Variants in MEF2A observed in about 807,000 individuals in gnomAD.
The protein encoded by MEF2A is myocyte enhancer factor 2A, also known as myocyte-specific enhancer factor 2A.
In MEF2A, 28 loss-of-function variants were observed where a neutral mutation model predicts 55.8. The ratio of observed to expected loss-of-function variants is 0.50; its 90% CI spans 0.37 to 0.69. The LOEUF (loss-of-function observed/expected upper bound fraction) is 0.69, where lower values mean the gene tolerates loss of function less well. MEF2A is among the 30% of genes least tolerant of loss of function. The pLI is 0.00. For missense variants in MEF2A, 528 were observed against 626.2 expected (o/e 0.84, Z 1.67); for synonymous variants, 239 against 227.1 (o/e 1.05, Z -0.47).
intron 4 of MEF2A, among the ~76,000 whole-genome samples, chr15:99,654,878 C>CT (rs1054289416): frequency 7.2e-5 from 11 of 152,072 alleles, no homozygotes; most frequent in African/African-American, 2.7e-4. Context: ...AGTTTTTAAT[C>CT]TTTTTAAATT....
intron 3 of MEF2A, among the ~76,000 whole-genome samples, chr15:99,635,543 G>A (rs1250646688): frequency 6.6e-6 from 1 of 152,148 alleles, no homozygotes; most frequent in African/African-American, 2.4e-5. Flanking sequence ...AGAAGACCGT[G>A]TAGCCAGCAT....
intron 4 of MEF2A, among the ~76,000 whole-genome samples, chr15:99,665,593 A>G (rs762737668): frequency 3.3e-5 from 5 of 152,134 alleles, no homozygotes; most frequent in Non-Finnish European, 7.4e-5. Context: ...GGATCTGATT[A>G]AACTAAAGAG....
At chr15:99,654,095 T>C (rs543634055) in intron 4 of MEF2A, among the ~76,000 whole-genome samples, 1 of 152,238 alleles carries the variant, frequency 6.6e-6, no homozygotes, top group Admixed American at 6.5e-5. Flanking sequence ...TCCACATTTA[T>C]GTAGTTGAAT....
rs561493565 is a variant in MEF2A at position 99,698,520 on chromosome 15, C to T, written c.859-4842C>T. 2.0e-5 allele frequency among the ~76,000 whole-genome samples: 3 copies of T among 152,172 alleles called. 1 individual carries two copies. The highest frequency in any genetic ancestry group is 3.9e-4 in the East Asian group (2 of 5,176). On this transcript the variant is annotated intron_variant, in intron 8 of 11. Coordinates refer to ENST00000557942, the MANE Select transcript of MEF2A (RefSeq NM_001319206.4). The stretch of plus-strand genomic sequence containing the variant: ...TTTAAGAAAACGCAACGGCTGGGCG[C>T]GGTGGCTCACACCTGTAATCCCAGC...
chr15:99,704,268 AAAG>A (rs1219463225), intron 9 of MEF2A, among the ~76,000 whole-genome samples: 1 of 152,164 alleles, frequency 6.6e-6, no homozygotes, highest in African/African-American at 2.4e-5. Context: ...TTTTCTTTTC[AAAG>A]AAGGTTATCT....
At chr15:99,617,257 G>A (rs1440048695) in intron 2 of MEF2A, among the ~76,000 whole-genome samples, 1 of 94,394 alleles carries the variant, frequency 1.1e-5, no homozygotes, top group African/African-American at 2.8e-5. Flanking sequence ...CCATATATGT[G>A]TTTGGTTTTT....
intron 1 of MEF2A, among the ~76,000 whole-genome samples, chr15:99,577,306 A>G (rs888781521): frequency 5.3e-5 from 8 of 152,222 alleles, no homozygotes; most frequent in East Asian, 3.8e-4. Flanking sequence ...TTTAATAACT[A>G]TTATTCTAGA....
chr15:99,690,148 A>G, intron 7 of MEF2A, 93 bp from the exon 8 acceptor site: 2 of 1,207,340 alleles, frequency 1.7e-6, no homozygotes, highest in Non-Finnish European at 2.3e-6. Context: ...TATAAAATTT[A>G]TTTGCAACTC....
intron 1 of MEF2A, among the ~76,000 whole-genome samples, chr15:99,592,237 T>G (rs1238935826): frequency 6.6e-6 from 1 of 152,122 alleles, no homozygotes. Flanking sequence ...ATTGCCCAGG[T>G]TTCTCTGGGT....
intron 7 of MEF2A, among the ~76,000 whole-genome samples, chr15:99,676,144 T>G (rs2051980555): frequency 6.6e-6 from 1 of 152,114 alleles, no homozygotes; most frequent in South Asian, 2.1e-4. Context: ...TACAAAATAT[T>G]TAATGACAAA....
At chr15:99,685,467 G>A (rs534631089) in intron 7 of MEF2A, among the ~76,000 whole-genome samples, 7 of 151,732 alleles carry the variant, frequency 4.6e-5, no homozygotes, top group South Asian at 2.1e-4. Context: ...TGCAAAAAGC[G>A]TTGAGTTCTT....
At chr15:99,645,000 G>T (rs1054620122) in intron 3 of MEF2A, among the ~76,000 whole-genome samples, 47 of 151,078 alleles carry the variant, frequency 3.1e-4, no homozygotes, top group African/African-American at 7.1e-4. Flanking sequence ...AAAATTTTTT[G>T]GGGGGGTCTC....
At chr15:99,616,910 T>C in intron 2 of MEF2A, among the ~76,000 whole-genome samples, 1 of 152,158 alleles carries the variant, frequency 6.6e-6, no homozygotes, top group East Asian at 1.9e-4. Flanking sequence ...GGATTTTGAT[T>C]GGTTGGCTGG....
At chr15:99,709,936 T>C (rs144729872) in intron 10 of MEF2A, among the ~76,000 whole-genome samples, 65 of 152,314 alleles carry the variant, frequency 4.3e-4, no homozygotes, top group Non-Finnish European at 6.8e-4. Flanking sequence ...TGGCACCCCA[T>C]GTAGGGATTC....
intron 2 of MEF2A, among the ~76,000 whole-genome samples, chr15:99,603,026 A>G (rs1973858742): frequency 6.6e-6 from 1 of 152,108 alleles, no homozygotes; most frequent in Admixed American, 6.5e-5. Flanking sequence ...TTACATTTGA[A>G]GAATCTGTAG....
At chr15:99,655,109 C>T (rs2047486320) in intron 4 of MEF2A, among the ~76,000 whole-genome samples, 4 of 152,126 alleles carry the variant, frequency 2.6e-5, no homozygotes, top group Admixed American at 2.6e-4. Flanking sequence ...CTAGATGTTA[C>T]ACCCCTGGGA....
chr15:99,659,523 C>T lies in MEF2A; in HGVS notation c.259-11800C>T, dbSNP rs2048296070. ...CAGTGGTTGAAGTTGTTCCTGATTA[C>T]AGCTCTCTTATCTGTTCTCCCTTTG... On this transcript the variant is annotated intron_variant, in intron 4 of 11. Transcript: ENST00000557942. Among the ~76,000 whole-genome samples, 3 of 152,292 alleles carry T rather than the reference C, an allele frequency of 2.0e-5. No individual in the cohort carries two copies. The South Asian group carries it at 6.2e-4, about 32-fold the overall frequency.
At chr15:99,610,709 A>G (rs866729336) in intron 2 of MEF2A, among the ~76,000 whole-genome samples, 10 of 152,126 alleles carry the variant, frequency 6.6e-5, no homozygotes, top group Non-Finnish European at 8.8e-5. Context: ...AGACAGTTCA[A>G]TGGAGGGAAA....
At chr15:99,683,259 G>A (rs1377550468) in intron 7 of MEF2A, among the ~76,000 whole-genome samples, 1 of 152,138 alleles carries the variant, frequency 6.6e-6, no homozygotes, top group East Asian at 1.9e-4. Flanking sequence ...ACCTCATGAG[G>A]TTAACTGAAA....
Sources: gnomAD v4.1 joint callset for allele counts (sites outside exome capture counted in the v4.1 genomes callset) on GRCh38, gnomAD v4.1.1 for gene constraint, MANE v1.5 for transcripts, NCBI Gene and HGNC (gene_info 2026-07-23, HGNC 2026-07-21) for gene names.